Variants in ERGIC3 observed in about 807,000 individuals in gnomAD.
ERGIC3 encodes ERGIC and golgi 3.
ERGIC3 carries 33 observed loss-of-function variants against 54.7 expected under a neutral mutation model. The observed-to-expected ratio is 0.60, with a 90% CI of 0.46 to 0.81. The LOEUF (loss-of-function observed/expected upper bound fraction) is 0.81, where lower values mean the gene tolerates loss of function less well. Among genes scored for constraint, ERGIC3 ranks in the 30% least tolerant of loss-of-function variants. ERGIC3 has a pLI of 0.00. For synonymous variants in ERGIC3, 186 were observed against 189.8 expected, an observed-to-expected ratio of 0.98 and a Z score of 0.16; for missense variants, 399 against 488.4, an observed-to-expected ratio of 0.82 and a Z score of 1.73.
intron 7 of ERGIC3, among the ~76,000 whole-genome samples, chr20:35,550,762 GCTCTCCAGCTGC>G (rs2064677844): frequency 6.6e-6 from 1 of 152,210 alleles, no homozygotes. Context: ...TGACTTAAAA[GCTCTCCAGCTGC>G]TCTGTGGACA....
intron 2 of ERGIC3, 51 bp from the exon 3 acceptor site, chr20:35,542,462 T>G (rs1601358080): frequency 6.2e-7 from 1 of 1,612,154 alleles, no homozygotes; most frequent in East Asian, 2.2e-5. Flanking sequence ...GGGGTGGGAG[T>G]GGGGAAGGAG....
rs369417541 is a variant in ERGIC3 at position 35,557,561 on chromosome 20, G to T, written c.*57G>T. ...CTCCCTGGCCTGTGGTTGTCCCCCA[G>T]CCTCTGCCACCCTCCACCTCCTCGG... is the stretch of plus-strand genomic sequence containing the variant. On this transcript the variant is annotated 3_prime_UTR_variant, in exon 13 of 13. Transcript: ENST00000348547. The T allele has an allele frequency of 9.1e-5, 136 of 1,495,480 alleles. No individual in the cohort carries two copies. In the African/African-American group the frequency reaches 1.7e-3, roughly 19 times the overall value. The allele number at this position is 1,495,480 out of a possible 1,614,324, so 92.6% of individuals were successfully genotyped here. A position where few individuals can be genotyped will look rare whatever the true frequency, so the allele number is the denominator to read the frequency against.
At chr20:35,548,705 C>CAGCTG in intron 6 of ERGIC3, 31 bp downstream of exon 6, 1 of 1,614,152 alleles carries the variant, frequency 6.2e-7, no homozygotes, top group Non-Finnish European at 8.5e-7. Context: ...AAGATAGGGC[C>CAGCTG]AGCTGGGCTG....
In ERGIC3 at chr20:35,556,266, G is replaced by A. The variant is rs745424936; in HGVS notation, c.874G>A (p.Gly292Arg). ...VVPTVYMKVD[G>R]EVLRTNQFSV... Reference sequence around the variant, plus strand: ...GCCCACTGTGTACATGAAGGTGGACGGAGAGGTGAGTCAGGGAGCTCCCTA... The same window carrying A: ...GCCCACTGTGTACATGAAGGTGGACAGAGAGGTGAGTCAGGGAGCTCCCTA... The change falls in exon 10 of 13, where the codon GGA becomes AGA. Residue 292 changes from glycine to arginine, a missense_variant. Transcript: ENST00000348547. The A allele has an allele frequency of 1.5e-5, 25 of 1,613,996 alleles. No individual in the cohort carries two copies. Among genetic ancestry groups the A allele is most frequent in the Non-Finnish European group, 1.9e-5 (22 of 1,180,016 alleles).
At chr20:35,548,432 T>C (rs1487318944) in intron 5 of ERGIC3, 77 bp from the exon 6 acceptor site, 4 of 1,503,914 alleles carry the variant, frequency 2.7e-6, no homozygotes, top group Non-Finnish European at 2.7e-6. Context: ...GCAGAGCTGC[T>C]CGGGCTCTAT....
intron 7 of ERGIC3, 133 bp downstream of exon 7, chr20:35,548,998 A>C: frequency 9.4e-7 from 1 of 1,064,302 alleles, no homozygotes; most frequent in East Asian, 2.5e-5. Context: ...ATCTCAGGGC[A>C]GCAGTTTGGC....
chr20:35,557,118 G>A lies in ERGIC3; in HGVS notation c.1016+9G>A, dbSNP rs1444604850. On this transcript the variant is annotated intron_variant, in intron 11 of 12. Coordinates refer to ENST00000348547, the MANE Select transcript of ERGIC3 (RefSeq NM_015966.3). ...CTGACGGAGAAGCACAGGTGAGGAT[G>A]GGGGCAAAGCGGCCTCTGGGGGCCT... 1 of 1,614,236 alleles carries A rather than the reference G, an allele frequency of 6.2e-7. No homozygotes were observed. Among genetic ancestry groups the A allele is most frequent in the East Asian group, 2.2e-5 (1 of 44,884 alleles).
At chr20:35,549,054 A>G (rs2064667738) in intron 7 of ERGIC3, 189 bp downstream of exon 7, 2 of 705,176 alleles carry the variant, frequency 2.8e-6, no homozygotes, top group African/African-American at 1.8e-5. Context: ...GCCTGCATTC[A>G]GATACCAGTT....
chr20:35,555,846 C>T (rs558631314), intron 8 of ERGIC3, among the ~76,000 whole-genome samples, 187 bp from the exon 9 acceptor site: 6 of 151,870 alleles, frequency 4.0e-5, no homozygotes, highest in Admixed American at 3.9e-4. Context: ...ATCTGGAACC[C>T]CAGGAGTTTG....
At chr20:35,542,223 C>G (rs752802153) in intron 1 of ERGIC3, 38 bp downstream of exon 1, 3 of 1,589,868 alleles carry the variant, frequency 1.9e-6, no homozygotes, top group Non-Finnish European at 2.6e-6. Context: ...TGGAGGGGGG[C>G]GTCCTAGAGC....
chr20:35,549,525 TA>T (rs1211428430), intron 7 of ERGIC3: 1 of 213,842 alleles, frequency 4.7e-6, no homozygotes, highest in African/African-American at 2.4e-5. Context: ...AACATTCTAG[TA>T]AAGAAATAGA....
At chr20:35,546,074 G>A (rs1473683294) in intron 4 of ERGIC3, among the ~76,000 whole-genome samples, 2 of 152,188 alleles carry the variant, frequency 1.3e-5, no homozygotes, top group Admixed American at 1.3e-4. Context: ...AGTGGAGAGA[G>A]TTTCAAGAAG....
intron 10 of ERGIC3, chr20:35,556,486 A>T (rs1601368936): frequency 1.7e-6 from 1 of 580,874 alleles, no homozygotes; most frequent in Non-Finnish European, 3.0e-6. Context: ...TGCTGCCCTC[A>T]CCGCTTCTAT....
At chr20:35,553,886 T>G (rs958805356) in intron 7 of ERGIC3, among the ~76,000 whole-genome samples, 13 of 152,122 alleles carry the variant, frequency 8.5e-5, no homozygotes, top group African/African-American at 2.9e-4. Flanking sequence ...GGGTGCTCTG[T>G]ATTTGGAAGG....
In ERGIC3 at chr20:35,542,087, G is replaced by C. The variant is rs992144072; in HGVS notation, c.-11G>C. ...GCGGGCCGGCTGGCGTCCCCTTTCC[G>C]GCCGGTCCCCATGGAGGCGCTGGGG... On this transcript the variant is annotated 5_prime_UTR_variant, in exon 1 of 13. Coordinates refer to ENST00000348547, the MANE Select transcript of ERGIC3 (RefSeq NM_015966.3). 6.6e-7 allele frequency: 1 copy of C among 1,522,432 alleles called. No individual in the cohort carries two copies. Among genetic ancestry groups the C allele is most frequent in the Non-Finnish European group, 8.8e-7 (1 of 1,137,888 alleles). The allele number at this position is 1,522,432 out of a possible 1,614,324, so 94.3% of individuals were successfully genotyped here. A position where few individuals can be genotyped will look rare whatever the true frequency, so the allele number is the denominator to read the frequency against.
intron 5 of ERGIC3, among the ~76,000 whole-genome samples, chr20:35,547,955 C>T (rs1450950457): frequency 6.6e-6 from 1 of 152,184 alleles, no homozygotes; most frequent in Non-Finnish European, 1.5e-5. Flanking sequence ...CTGCTGTTTC[C>T]CAGACCCTGA....
At chr20:35,544,244 C>T (rs911472877) in intron 4 of ERGIC3, 22 of 177,314 alleles carry the variant, frequency 1.2e-4, no homozygotes, top group African/African-American at 4.3e-4. Context: ...TTAGTAGAGA[C>T]GGGGTTGCAC....
At chr20:35,553,105 C>T (rs1294978157) in intron 7 of ERGIC3, among the ~76,000 whole-genome samples, 1 of 126,574 alleles carries the variant, frequency 7.9e-6, no homozygotes, top group East Asian at 2.6e-4. Context: ...CTCCTGGACT[C>T]GAGATCCTCC....
chr20:35,555,320 G>T (rs2064705113), intron 8 of ERGIC3, among the ~76,000 whole-genome samples: 1 of 152,166 alleles, frequency 6.6e-6, no homozygotes, highest in Admixed American at 6.5e-5. Flanking sequence ...CGCAAGGTCA[G>T]GCGGGAGCAT....
Sources: gnomAD v4.1 joint callset for allele counts (sites outside exome capture counted in the v4.1 genomes callset) on GRCh38, gnomAD v4.1.1 for gene constraint, MANE v1.5 for transcripts, NCBI Gene and HGNC (gene_info 2026-07-23, HGNC 2026-07-21) for gene names.